Variants in ABL1 observed in about 807,000 individuals in gnomAD.
ABL1 encodes tyrosine-protein kinase ABL1.
ABL1 carries 11 observed loss-of-function variants against 94.7 expected under a neutral mutation model. The observed-to-expected ratio is 0.12, with a 90% CI of 0.07 to 0.19. ABL1 has a LOEUF of 0.19. Among genes scored for constraint, ABL1 ranks in the 10% least tolerant of loss-of-function variants. ABL1 has a pLI of 1.00. For synonymous variants in ABL1, 656 were observed against 622.4 expected (o/e 1.05, Z -0.80); for missense variants, 1,082 against 1,489.4 (o/e 0.73, Z 4.50).
At chr9:130,733,903 C>G (rs1164291097) in intron 1 of ABL1, among the ~76,000 whole-genome samples, 1 of 151,804 alleles carries the variant, frequency 6.6e-6, no homozygotes, top group Non-Finnish European at 1.5e-5. Flanking sequence ...AAAGCACTTT[C>G]ATATACTTTT....
At chr9:130,852,384 G>A (rs1293633330) in intron 1 of ABL1, among the ~76,000 whole-genome samples, 2 of 152,076 alleles carry the variant, frequency 1.3e-5, no homozygotes, top group Non-Finnish European at 2.9e-5. Flanking sequence ...TTCTATTTTA[G>A]TAGTGACGGG....
At chr9:130,780,144 G>A (rs568874761) in intron 1 of ABL1, among the ~76,000 whole-genome samples, 12 of 152,172 alleles carry the variant, frequency 7.9e-5, no homozygotes, top group Admixed American at 2.6e-4. Flanking sequence ...AAAATACTCC[G>A]GGCGCAGTGG....
chr9:130,836,302 A>G (rs899696319), intron 1 of ABL1, among the ~76,000 whole-genome samples: 1 of 151,924 alleles, frequency 6.6e-6, no homozygotes, highest in Non-Finnish European at 1.5e-5. Context: ...CTCTAATTAC[A>G]TCTGTTTTAT....
chr9:130,885,340 A>G lies in ABL1; in HGVS notation c.3050A>G (p.Gln1017Arg). ...STRVSLRKTR[Q>R]PPERIASGAI... ...CGAGTGTCTCTTCGGAAAACCCGCC[A>G]GCCTCCAGAGCGGATCGCCAGCGGC... Residue 1017 changes from glutamine (Q) to arginine (R), a missense_variant, in exon 11 of 11, where the codon CAG (glutamine) becomes CGG (arginine). Physicochemically the swap from Gln to Arg is conservative, Grantham distance 43 (BLOSUM62 1). Transcript: ENST00000318560. 8 of 1,613,740 alleles carry G rather than the reference A, an allele frequency of 5.0e-6. No homozygotes were observed. The highest frequency in any genetic ancestry group is 6.8e-6 in the Non-Finnish European group (8 of 1,180,036).
At chr9:130,809,699 G>C (rs373193198) in intron 1 of ABL1, among the ~76,000 whole-genome samples, 3 of 152,308 alleles carry the variant, frequency 2.0e-5, no homozygotes, top group East Asian at 3.9e-4. Flanking sequence ...GAAAGGGTCA[G>C]ATTTTTTGTT....
chr9:130,841,037 A>C (rs868847151), intron 1 of ABL1, among the ~76,000 whole-genome samples: 10 of 152,220 alleles, frequency 6.6e-5, no homozygotes, highest in South Asian at 4.1e-4. Flanking sequence ...AGGGGTGTCC[A>C]ATCTTGGCTT....
At chr9:130,719,630 G>C (rs1007435075) in intron 1 of ABL1, among the ~76,000 whole-genome samples, 1 of 152,194 alleles carries the variant, frequency 6.6e-6, no homozygotes, top group Non-Finnish European at 1.5e-5. Context: ...CTTAAGTTGT[G>C]TCTGAAGACA....
chr9:130,811,895 G>A (rs1830211689), intron 1 of ABL1, among the ~76,000 whole-genome samples: 1 of 115,414 alleles, frequency 8.7e-6, no homozygotes, highest in Non-Finnish European at 1.6e-5. Context: ...CTGAGCGACA[G>A]AGTGAGACTC....
intron 1 of ABL1, among the ~76,000 whole-genome samples, chr9:130,759,448 T>C (rs1397931401): frequency 2.6e-5 from 4 of 152,238 alleles, no homozygotes; most frequent in African/African-American, 9.6e-5. Flanking sequence ...TTACAATCCA[T>C]TTTGACCTTG....
intron 1 of ABL1, among the ~76,000 whole-genome samples, chr9:130,737,576 C>T (rs1831760047): frequency 6.6e-6 from 1 of 152,076 alleles, no homozygotes; most frequent in African/African-American, 2.4e-5. Context: ...GCCACCTGGA[C>T]ATGTTTAAAG....
At chr9:130,725,834 T>G (rs1396913110) in intron 1 of ABL1, among the ~76,000 whole-genome samples, 1 of 92,698 alleles carries the variant, frequency 1.1e-5, no homozygotes. Context: ...GTTTTTTTTT[T>G]TTTTTTTTTT....
At chr9:130,731,075 C>T (rs1169767456) in intron 1 of ABL1, among the ~76,000 whole-genome samples, 2 of 121,636 alleles carry the variant, frequency 1.6e-5, no homozygotes, top group African/African-American at 3.1e-5. Flanking sequence ...GGTGTGATCT[C>T]GGCTCACTGC....
chr9:130,827,317 G>C (rs935802784), intron 1 of ABL1, among the ~76,000 whole-genome samples: 3 of 152,144 alleles, frequency 2.0e-5, no homozygotes, highest in Admixed American at 6.5e-5. Context: ...AATGACCCTA[G>C]AGAAAAGCCC....
chr9:130,782,204 A>G (rs1985391), intron 1 of ABL1, among the ~76,000 whole-genome samples: 58,037 of 151,742 alleles, frequency 0.38, 11,368 homozygotes, highest in Middle Eastern at 0.5. Context: ...GACTACAGGC[A>G]TGCGCCACCA....
At chr9:130,803,845 G>A (rs1007812519) in intron 1 of ABL1, among the ~76,000 whole-genome samples, 6 of 152,142 alleles carry the variant, frequency 3.9e-5, no homozygotes, top group African/African-American at 7.2e-5. Context: ...TCTTAAAGTT[G>A]ACTAAACACC....
rs1190253422 is a variant in ABL1 at position 130,863,205 on chromosome 9, G to C, written c.822+170G>C. Among the ~76,000 whole-genome samples the C allele has an allele frequency of 6.6e-6, 1 of 152,168 alleles. No homozygotes were observed. Among genetic ancestry groups the C allele is most frequent in the African/African-American group, 2.4e-5 (1 of 41,442 alleles). On this transcript the variant is annotated intron_variant, in intron 4 of 10. Coordinates refer to ENST00000318560, the MANE Select transcript of ABL1 (RefSeq NM_005157.6). The surrounding 1 kb of genome is among the most constrained non-coding windows in gnomAD (Gnocchi z 4.3). ...TCATTCCTGTGTCTTTGTAGGAGTGGAATCATTCTCATAGTCCGAGTGTGT... is the reference window on the plus strand; with the variant it reads ...TCATTCCTGTGTCTTTGTAGGAGTGCAATCATTCTCATAGTCCGAGTGTGT...
intron 1 of ABL1, among the ~76,000 whole-genome samples, chr9:130,845,173 T>C (rs914412139): frequency 6.6e-6 from 1 of 152,214 alleles, no homozygotes; most frequent in African/African-American, 2.4e-5. Context: ...AGGCAGTAGA[T>C]TAAATGAGTT....
chr9:130,744,704 A>C (rs1831862836), intron 1 of ABL1, among the ~76,000 whole-genome samples: 1 of 151,034 alleles, frequency 6.6e-6, no homozygotes, highest in Non-Finnish European at 1.5e-5. Context: ...TACAAAAAAA[A>C]AAATTAGCCG....
At chr9:130,805,313 C>T (rs964228823) in intron 1 of ABL1, among the ~76,000 whole-genome samples, 8 of 152,130 alleles carry the variant, frequency 5.3e-5, no homozygotes, top group Non-Finnish European at 1.0e-4. Flanking sequence ...CTCCTGACCT[C>T]GTGATTCACC....
Sources: gnomAD v4.1 joint callset for allele counts (sites outside exome capture counted in the v4.1 genomes callset) on GRCh38, gnomAD v4.1.1 for gene constraint, Gnocchi (gnomAD v3.1) non-coding constraint, MANE v1.5 for transcripts, NCBI Gene and HGNC (gene_info 2026-07-23, HGNC 2026-07-21) for gene names.